PRTFDC1: variants seen among roughly 807,000 people sequenced by gnomAD.
The protein encoded by PRTFDC1 is phosphoribosyl transferase domain containing 1, also known as phosphoribosyltransferase domain-containing protein 1.
Under a neutral mutation model 34.6 loss-of-function variants are expected in PRTFDC1, and 38 were observed. The observed-to-expected ratio is 1.10, with a 90% confidence interval of 0.85 to 1.44. The LOEUF is 1.44. Ranked by LOEUF, PRTFDC1 falls within the 40% of genes most tolerant of loss-of-function variation. The pLI is 0.00. For synonymous variants in PRTFDC1, 93 were observed against 98.1 expected (o/e 0.95, Z 0.31); for missense variants, 270 against 283.0 (o/e 0.95, Z 0.33).
At chr10:24,902,491 A>G (rs1848465864) in intron 3 of PRTFDC1, among the ~76,000 whole-genome samples, 1 of 152,226 alleles carries the variant, frequency 6.6e-6, no homozygotes. Context: ...GACCCAGTCA[A>G]CTTCTGTCCA....
At chr10:24,855,419 A>G in intron 6 of PRTFDC1, 55 bp from the exon 7 acceptor site, 1 of 1,579,462 alleles carries the variant, frequency 6.3e-7, no homozygotes, top group East Asian at 2.2e-5. Flanking sequence ...TATGAATTGT[A>G]AATAGAATCA....
At position 24,898,660 on chromosome 10, in the gene PRTFDC1, C is replaced by T. The variant is rs72780359; in HGVS notation, c.340-26597G>A. On this transcript the variant is annotated intron_variant, in intron 3 of 8. Transcript: ENST00000320152. ...CTCATTACCCAAGAAGAAAGGATTT[C>T]CCCCTCCAAACTCCAGTGTGAAAAA... Among the ~76,000 whole-genome samples, 654 of 152,140 alleles carry T rather than the reference C, an allele frequency of 4.3e-3. 3 individuals are homozygous for T. Among genetic ancestry groups the T allele is most frequent in the Admixed American group, 8.2e-3 (125 of 15,264 alleles).
intron 3 of PRTFDC1, among the ~76,000 whole-genome samples, chr10:24,928,182 T>C (rs1009101179): frequency 1.3e-4 from 20 of 152,176 alleles, no homozygotes; most frequent in Admixed American, 2.0e-4. Context: ...TTTTGTGGTC[T>C]CTCATCTTCC....
At chr10:24,938,902 A>G (rs991164214) in intron 2 of PRTFDC1, among the ~76,000 whole-genome samples, 5 of 152,232 alleles carry the variant, frequency 3.3e-5, no homozygotes, top group African/African-American at 1.2e-4. Context: ...CACCCCCATC[A>G]GCAGAGAGTG....
chr10:24,880,617 C>A (rs1258890077), intron 3 of PRTFDC1, among the ~76,000 whole-genome samples: 1 of 152,192 alleles, frequency 6.6e-6, no homozygotes, highest in East Asian at 1.9e-4. Flanking sequence ...GGACTGACCC[C>A]ATGAGGCATA....
At chr10:24,855,692 G>C (rs1847561498) in intron 6 of PRTFDC1, among the ~76,000 whole-genome samples, 1 of 152,266 alleles carries the variant, frequency 6.6e-6, no homozygotes, top group African/African-American at 2.4e-5. Flanking sequence ...CTACTTGGGA[G>C]GCTGAGGTGG....
intron 4 of PRTFDC1, among the ~76,000 whole-genome samples, chr10:24,860,007 G>T (rs1401779909): frequency 1.3e-5 from 2 of 152,146 alleles, no homozygotes; most frequent in Non-Finnish European, 2.9e-5. Context: ...TTACTAAATG[G>T]TGAGACTATC....
At position 24,898,634 on chromosome 10, in the gene PRTFDC1, C is replaced by A. The variant is rs1848406126; in HGVS notation, c.340-26571G>T. Reference sequence around the variant, plus strand: ...CTCCATCTTTAGGCTCACATTCTTGCCTCATTACCCAAGAAGAAAGGATTT... The same window carrying A: ...CTCCATCTTTAGGCTCACATTCTTGACTCATTACCCAAGAAGAAAGGATTT... On this transcript the variant is annotated intron_variant, in intron 3 of 8. Coordinates refer to ENST00000320152, the MANE Select transcript of PRTFDC1 (RefSeq NM_020200.7). Among the ~76,000 whole-genome samples the A allele has an allele frequency of 2.6e-5, 4 of 152,038 alleles. No homozygotes were observed. The South Asian group carries it at 8.3e-4, about 31-fold the overall frequency.
At chr10:24,898,286 C>A (rs890515980) in intron 3 of PRTFDC1, among the ~76,000 whole-genome samples, 1,195 of 74,262 alleles carry the variant, frequency 0.016, no homozygotes, top group Middle Eastern at 0.023. Flanking sequence ...CCCGTCTCTA[C>A]AAAAAAAAAA....
chr10:24,912,472 T>C lies in PRTFDC1; in HGVS notation c.339+24712A>G, dbSNP rs1848641457. ...GGCGGTATCTCTTTGTGGTTTGATT[T>C]GTATTTCCCTGATGACTAATGATAT... On this transcript the variant is annotated intron_variant, in intron 3 of 8. Transcript: ENST00000320152. Among the ~76,000 whole-genome samples, 3 of 151,914 alleles carry C rather than the reference T, an allele frequency of 2.0e-5. No homozygotes were observed. In the South Asian group the frequency reaches 6.2e-4, roughly 32 times the overall value.
intron 3 of PRTFDC1, among the ~76,000 whole-genome samples, chr10:24,909,224 T>G: frequency 6.6e-6 from 1 of 151,980 alleles, no homozygotes; most frequent in Non-Finnish European, 1.5e-5. Context: ...AAGGCTGCAG[T>G]GAGTCATGAT....
intron 4 of PRTFDC1, among the ~76,000 whole-genome samples, chr10:24,862,391 T>G (rs1847694125): frequency 6.6e-6 from 1 of 152,164 alleles, no homozygotes; most frequent in African/African-American, 2.4e-5. Context: ...CTCTTTTTTT[T>G]TGTGATGAAG....
intron 3 of PRTFDC1, among the ~76,000 whole-genome samples, chr10:24,880,090 A>C (rs1848039893): frequency 6.6e-6 from 1 of 152,194 alleles, no homozygotes; most frequent in Non-Finnish European, 1.5e-5. Flanking sequence ...CTTATGAATA[A>C]AAAGAGTACA....
intron 4 of PRTFDC1, among the ~76,000 whole-genome samples, chr10:24,864,112 A>G (rs1847733852): frequency 6.6e-6 from 1 of 151,982 alleles, no homozygotes; most frequent in African/African-American, 2.4e-5. Flanking sequence ...TGAAGATGTG[A>G]CTGAATTGCT....
At chr10:24,878,515 G>A (rs1311857717) in intron 3 of PRTFDC1, among the ~76,000 whole-genome samples, 2 of 152,172 alleles carry the variant, frequency 1.3e-5, no homozygotes, top group Non-Finnish European at 2.9e-5. Context: ...CAACATCTCC[G>A]TAGGAATGCT....
chr10:24,951,811 C>T (rs1251003511), intron 1 of PRTFDC1, among the ~76,000 whole-genome samples: 3 of 152,172 alleles, frequency 2.0e-5, no homozygotes, highest in East Asian at 1.9e-4. Flanking sequence ...TCAGGATTCT[C>T]AGGGTTAATG....
Position 24,925,997 on chromosome 10 carries a change from G to A in PRTFDC1, c.339+11187C>T, listed in dbSNP as rs78397301. ...GATTTGTCCCTTGTCCTGTGCCCAC[G>A]TCTCTTCCTGGGAACTTGCCCAGTA... On this transcript the variant is annotated intron_variant, in intron 3 of 8. Transcript: ENST00000320152. Among the ~76,000 whole-genome samples, 169 of 152,260 alleles carry A rather than the reference G, an allele frequency of 1.1e-3. 1 individual carries two copies. In the East Asian group the frequency reaches 0.027, roughly 25 times the overall value.
Position 24,886,532 on chromosome 10 carries a change from T to A in PRTFDC1, c.340-14469A>T, listed in dbSNP as rs544066575. Among the ~76,000 whole-genome samples the A allele has an allele frequency of 2.6e-5, 4 of 152,348 alleles. No individual in the cohort carries two copies. In the East Asian group the frequency reaches 5.8e-4, roughly 22 times the overall value. On this transcript the variant is annotated intron_variant, in intron 3 of 8. Transcript: ENST00000320152. The stretch of plus-strand genomic sequence containing the variant: ...CCTTTCAGTGTGACCTGCACTCTAG[T>A]GTGTTCCACTGTGCATGGATCACTT...
intron 4 of PRTFDC1, among the ~76,000 whole-genome samples, chr10:24,865,008 C>T (rs1047304644): frequency 2.6e-5 from 4 of 152,016 alleles, no homozygotes; most frequent in Admixed American, 1.3e-4. Context: ...CCCAGCTACT[C>T]GAGAGGCTGA....
Sources: allele counts gnomAD v4.1 joint callset (sites outside exome capture counted in the v4.1 genomes callset), GRCh38; gene constraint gnomAD v4.1.1; transcripts MANE v1.5; gene names NCBI Gene and HGNC (gene_info 2026-07-23, HGNC 2026-07-21).